Variants in ERMP1 observed in about 807,000 individuals in gnomAD.
The protein encoded by ERMP1 is Felix-ina.
A neutral mutation model predicts 92.0 loss-of-function variants in ERMP1; 86 were observed. That is an observed-to-expected ratio of 0.93 (90% CI 0.79 to 1.12). The LOEUF (loss-of-function observed/expected upper bound fraction) is 1.12, where lower values mean the gene tolerates loss of function less well. Among genes scored for constraint, ERMP1 ranks in the 50% most tolerant of loss-of-function variants. ERMP1 has a pLI of 0.00. For synonymous variants in ERMP1, 530 were observed against 412.8 expected (o/e 1.28, Z -3.44); for missense variants, 1,342 against 1,116.3 (o/e 1.20, Z -2.88).
chr9:5,854,605 C>T (rs1169017543), intron 6 of ERMP1, among the ~76,000 whole-genome samples: 1 of 152,156 alleles, frequency 6.6e-6, no homozygotes, highest in Non-Finnish European at 1.5e-5. Context: ...GATCTCCACT[C>T]ACTATAACCT....
rs567994678 is a variant in ERMP1 at position 5,820,885 on chromosome 9, T to C, written c.874+3011A>G. On this transcript the variant is annotated intron_variant, in intron 4 of 14. Transcript: ENST00000339450. ...CCATGCCCACAAGAAGCGCAGTCTT[T>C]TGTAGGCAGTGGCATTAAAAGTGAC... 9.3e-4 allele frequency among the ~76,000 whole-genome samples: 141 copies of C among 152,324 alleles called. No individual in the cohort carries two copies. In the Middle Eastern group the frequency reaches 0.02, roughly 22 times the overall value.
At chr9:5,792,815 A>G (rs1444307736) in intron 13 of ERMP1, among the ~76,000 whole-genome samples, 2 of 152,204 alleles carry the variant, frequency 1.3e-5, no homozygotes, top group Non-Finnish European at 2.9e-5. Context: ...AACCACTAAA[A>G]TAAGTATAAT....
upstream of ERMP1, among the ~76,000 whole-genome samples, chr9:5,837,464 A>T (rs890620704): frequency 6.6e-6 from 1 of 152,158 alleles, no homozygotes; most frequent in Non-Finnish European, 1.5e-5. Flanking sequence ...AAGTACAAGG[A>T]CTCTTTAATC....
At chr9:5,852,256 T>G (rs1227274789) in intron 6 of ERMP1, among the ~76,000 whole-genome samples, 1 of 131,362 alleles carries the variant, frequency 7.6e-6, no homozygotes, top group Non-Finnish European at 1.8e-5. Flanking sequence ...CAGAGTGTTT[T>G]TTTTTGTTTT....
Position 5,811,229 on chromosome 9 carries a change from A to G in ERMP1, c.1209T>C (p.Asp403=). 6.2e-7 allele frequency: 1 copy of G among 1,614,114 alleles called. No homozygotes were observed. The highest frequency in any genetic ancestry group is 8.5e-7 in the Non-Finnish European group (1 of 1,179,982). ...AGGCAATGACAAACAGGCCCAGCAC[A>G]TCAAAGAAGACCATGTTTCCATGTC... is the stretch of plus-strand genomic sequence containing the variant. ...KYRHGNMVFF[D]VLGLFVIAYP... Residue 403 remains aspartate (D), a synonymous_variant, in exon 7 of 15, where the codon GAT becomes GAC. Coordinates refer to ENST00000339450, the MANE Select transcript of ERMP1 (RefSeq NM_024896.3).
intron 3 of ERMP1, among the ~76,000 whole-genome samples, chr9:5,824,764 G>A (rs184771218): frequency 8.3e-4 from 127 of 152,148 alleles, no homozygotes; most frequent in African/African-American, 3.0e-3. Flanking sequence ...CATATGGCTG[G>A]GCATTTATTT....
intron 4 of ERMP1, among the ~76,000 whole-genome samples, chr9:5,815,443 T>C (rs997928004): frequency 9.3e-6 from 1 of 107,404 alleles, no homozygotes; most frequent in African/African-American, 3.6e-5. Flanking sequence ...AAATAAACAA[T>C]AGTAACAGAA....
chr9:5,849,498 G>T (rs1356583683), intron 6 of ERMP1, among the ~76,000 whole-genome samples: 1 of 152,154 alleles, frequency 6.6e-6, no homozygotes, highest in Non-Finnish European at 1.5e-5. Context: ...TCCTTGCTAT[G>T]CCCACTTCCT....
intron 5 of ERMP1, among the ~76,000 whole-genome samples, chr9:5,864,459 G>A (rs760345835): frequency 1.3e-5 from 2 of 152,178 alleles, no homozygotes; most frequent in African/African-American, 2.4e-5. Context: ...TACTAGAGTA[G>A]AAGTAATTAA....
chr9:5,820,022 G>A (rs1563765779), intron 4 of ERMP1, among the ~76,000 whole-genome samples: 4 of 152,184 alleles, frequency 2.6e-5, no homozygotes, highest in South Asian at 4.1e-4. Context: ...GCTACAGGCC[G>A]GGCGTGGTGG....
Position 5,830,831 on chromosome 9 carries a change from T to C in ERMP1, c.536A>G (p.Tyr179Cys), listed in dbSNP as rs779437476. The C allele has an allele frequency of 1.6e-5, 26 of 1,613,972 alleles. No individual in the cohort carries two copies. In the Admixed American group the frequency reaches 3.2e-4, roughly 20 times the overall value. ...SIDFLGGFTSYYDNITNVVVK... is the reference protein window; with the variant it reads ...SIDFLGGFTSCYDNITNVVVK... ...CACAACATTGGTGATGTTGTCATAA[T>C]AGCTTGTAAAACCTCCCAAGAAATC... Residue 179 changes from tyrosine (Y) to cysteine (C), a missense_variant, in exon 2 of 15, where the codon TAT (tyrosine) becomes TGT (cysteine). Coordinates refer to ENST00000339450, the MANE Select transcript of ERMP1 (RefSeq NM_024896.3).
At chr9:5,824,686 C>A (rs1307922309) in intron 3 of ERMP1, among the ~76,000 whole-genome samples, 2 of 152,088 alleles carry the variant, frequency 1.3e-5, no homozygotes, top group Non-Finnish European at 2.9e-5. Flanking sequence ...TAGGCATGAG[C>A]CAGCGTGCCT....
At chr9:5,843,255 G>C (rs528602901) in intron 6 of ERMP1, among the ~76,000 whole-genome samples, 1 of 152,204 alleles carries the variant, frequency 6.6e-6, no homozygotes, top group African/African-American at 2.4e-5. Flanking sequence ...TGCGGAATTT[G>C]GGGCTCAGCA....
chr9:5,788,618 A>C (rs1828039017), intron 13 of ERMP1, among the ~76,000 whole-genome samples: 1 of 152,200 alleles, frequency 6.6e-6, no homozygotes. Context: ...GAAATCTTAC[A>C]AAACAGCACA....
At chr9:5,789,514 A>G (rs1390921493) in intron 13 of ERMP1, among the ~76,000 whole-genome samples, 1 of 152,240 alleles carries the variant, frequency 6.6e-6, no homozygotes, top group African/African-American at 2.4e-5. Context: ...AATAAGCTTC[A>G]TCCAACCAAC....
Position 5,796,179 on chromosome 9 carries a change from A to G in ERMP1, c.2386+1638T>C, listed in dbSNP as rs1309376811. Among the ~76,000 whole-genome samples, 5 of 152,328 alleles carry G rather than the reference A, an allele frequency of 3.3e-5. No homozygotes were observed. The South Asian group carries it at 8.3e-4, about 25-fold the overall frequency. ...CAATACAATCCCAATCAGAACTCCA[A>G]CAAGTTATTTTGTGAATATTGACAA... On this transcript the variant is annotated intron_variant, in intron 13 of 14. Transcript: ENST00000339450.
At chr9:5,860,410 A>G (rs941042404) in intron 5 of ERMP1, among the ~76,000 whole-genome samples, 1 of 152,156 alleles carries the variant, frequency 6.6e-6, no homozygotes, top group African/African-American at 2.4e-5. Context: ...GCTCTGTTCC[A>G]TTCATCTTTA....
rs1175342070 is a variant in ERMP1, at chr9:5,813,018, A to C, written c.892T>G (p.Leu298Val). Residue 298 changes from leucine to valine, a missense_variant, in exon 5 of 15, where the codon TTG (leucine) becomes GTG (valine). Physicochemically the swap from Leu to Val is conservative, Grantham distance 32 (BLOSUM62 1). Transcript: ENST00000339450. ...GCTGCTGAAACATAAGCTTGAACCA[A>C]CCAAGGATTTTCAGGACCTAAAATG... ...VFQTGPENPW[L>V]VQAYVSAAKH... 1 of 1,613,898 alleles carries C rather than the reference A, an allele frequency of 6.2e-7. No homozygotes were observed. The highest frequency in any genetic ancestry group is 2.2e-5 in the East Asian group (1 of 44,880).
chr9:5,864,085 T>A (rs150399092), intron 5 of ERMP1, among the ~76,000 whole-genome samples: 75 of 152,356 alleles, frequency 4.9e-4, no homozygotes, highest in African/African-American at 1.7e-3. Flanking sequence ...CAAACTGCCC[T>A]CCAGAATTGC....
Sources: gnomAD v4.1 joint callset for allele counts (sites outside exome capture counted in the v4.1 genomes callset) on GRCh38, gnomAD v4.1.1 for gene constraint, MANE v1.5 for transcripts, NCBI Gene and HGNC (gene_info 2026-07-23, HGNC 2026-07-21) for gene names.